Variants in TOX observed in about 807,000 individuals in gnomAD.
The protein encoded by TOX is thymocyte selection-associated high mobility group box protein TOX.
In TOX, 11 loss-of-function variants were observed where a neutral mutation model predicts 53.7. The ratio of observed to expected loss-of-function variants is 0.20; its 90% CI spans 0.13 to 0.34. The LOEUF (loss-of-function observed/expected upper bound fraction) is 0.34. Among genes scored for constraint, TOX ranks in the 10% least tolerant of loss-of-function variants. The pLI is 1.00. For missense variants in TOX, 570 were observed against 664.6 expected, an observed-to-expected ratio of 0.86 and a Z score of 1.56; for synonymous variants, 225 against 245.3, an observed-to-expected ratio of 0.92 and a Z score of 0.77.
At chr8:58,844,202 C>T (rs777851371) in intron 4 of TOX, among the ~76,000 whole-genome samples, 10 of 152,140 alleles carry the variant, frequency 6.6e-5, no homozygotes, top group Admixed American at 2.0e-4. Context: ...TGCTCTCTGC[C>T]GTGTCTAAAA....
chr8:58,915,643 G>A (rs1393648998), intron 3 of TOX, among the ~76,000 whole-genome samples: 5 of 147,482 alleles, frequency 3.4e-5, no homozygotes, highest in East Asian at 2.0e-4. Flanking sequence ...AACGCAGAGC[G>A]CCTCTCCTCC....
intron 4 of TOX, among the ~76,000 whole-genome samples, chr8:58,846,510 T>C (rs749642054): frequency 6.6e-6 from 1 of 152,148 alleles, no homozygotes; most frequent in Non-Finnish European, 1.5e-5. Flanking sequence ...AGTCTTCTTG[T>C]CTTCAGAGCA....
chr8:58,994,028 C>T (rs537367851), intron 1 of TOX, among the ~76,000 whole-genome samples: 20 of 152,082 alleles, frequency 1.3e-4, no homozygotes, highest in Non-Finnish European at 4.4e-5. Flanking sequence ...ATATTCTTGC[C>T]AGTATTCATC....
chr8:59,057,695 G>GA (rs1297451652), intron 1 of TOX, among the ~76,000 whole-genome samples: 5 of 152,150 alleles, frequency 3.3e-5, no homozygotes, highest in East Asian at 1.9e-4. Flanking sequence ...TGAATGCTGG[G>GA]AAAAAATGCA....
chr8:58,927,922 C>T (rs991296189), intron 3 of TOX, among the ~76,000 whole-genome samples: 1 of 152,182 alleles, frequency 6.6e-6, no homozygotes, highest in Non-Finnish European at 1.5e-5. Context: ...CAGGCGGCCT[C>T]ACCCAGACCC....
intron 1 of TOX, among the ~76,000 whole-genome samples, chr8:58,965,894 GTTT>G (rs67045037): frequency 0.27 from 13,537 of 50,418 alleles, 1,149 homozygotes; most frequent in Middle Eastern, 0.45. Context: ...ACGAGTCATC[GTTT>G]TTTTTTTTTT....
At chr8:58,876,728 A>C (rs192546026) in intron 3 of TOX, among the ~76,000 whole-genome samples, 1 of 152,314 alleles carries the variant, frequency 6.6e-6, no homozygotes, top group Admixed American at 6.5e-5. Context: ...ACAACATTTC[A>C]AAGGCTAGAA....
rs1803728512 is a variant in TOX, at chr8:59,048,472, C to T, written c.102+70414G>A. Among the ~76,000 whole-genome samples the T allele has an allele frequency of 2.0e-5, 3 of 152,158 alleles. No individual in the cohort carries two copies. In the South Asian group the frequency reaches 6.2e-4, roughly 32 times the overall value. ...AACATCAGACAGTTAGAAAACTCAC[C>T]CAAAAAGCATAAAACATATAAATAA... On this transcript the variant is annotated intron_variant, in intron 1 of 8. Transcript: ENST00000361421.
intron 7 of TOX, among the ~76,000 whole-genome samples, chr8:58,814,890 A>G (rs988816406): frequency 6.6e-6 from 1 of 152,222 alleles, no homozygotes; most frequent in African/African-American, 2.4e-5. Flanking sequence ...TTCATTTTTC[A>G]GCATTTATTG....
intron 3 of TOX, among the ~76,000 whole-genome samples, chr8:58,872,853 G>A (rs2726555): frequency 0.46 from 69,248 of 151,904 alleles, 16,247 homozygotes; most frequent in African/African-American, 0.55. Flanking sequence ...AAATACAAAT[G>A]AAGTATGACT....
intron 1 of TOX, among the ~76,000 whole-genome samples, chr8:59,095,980 TCA>T (rs1274481503): frequency 2.0e-5 from 3 of 152,184 alleles, no homozygotes; most frequent in Non-Finnish European, 4.4e-5. Flanking sequence ...TTTCTGAACC[TCA>T]GTTTCCTTAG....
rs140772910 is a variant in TOX at position 58,993,968 on chromosome 8, G to GA, written c.103-33961dup. On this transcript the variant is annotated intron_variant, in intron 1 of 8. Coordinates refer to ENST00000361421, the MANE Select transcript of TOX (RefSeq NM_014729.3). ...ACGTTGTGAATTGGTCTACCTGTGG[G>GA]AAAAATTTCCAAAAATAGAACACAG... is the stretch of plus-strand genomic sequence containing the variant. Among the ~76,000 whole-genome samples, 1,433 of 152,108 alleles carry GA rather than the reference G, an allele frequency of 9.4e-3. 29 individuals carry two copies. The highest frequency in any genetic ancestry group is 0.032 in the African/African-American group (1,347 of 41,452).
chr8:59,070,844 T>C (rs952290253), intron 1 of TOX, among the ~76,000 whole-genome samples: 4 of 152,244 alleles, frequency 2.6e-5, no homozygotes, highest in Admixed American at 1.3e-4. Context: ...GAATGTACAA[T>C]TACCTCAGAG....
At chr8:59,079,429 C>T (rs998823580) in intron 1 of TOX, among the ~76,000 whole-genome samples, 2 of 152,182 alleles carry the variant, frequency 1.3e-5, no homozygotes, top group African/African-American at 4.8e-5. Context: ...TTTCTGCTGG[C>T]CTTTAACGCC....
At chr8:59,004,107 A>G (rs933060781) in intron 1 of TOX, among the ~76,000 whole-genome samples, 2 of 152,352 alleles carry the variant, frequency 1.3e-5, no homozygotes, top group Non-Finnish European at 2.9e-5. Context: ...ATGAAATGTG[A>G]CATCTGCTCT....
At chr8:58,927,323 G>A (rs1369272401) in intron 3 of TOX, among the ~76,000 whole-genome samples, 1 of 152,190 alleles carries the variant, frequency 6.6e-6, no homozygotes, top group Non-Finnish European at 1.5e-5. Context: ...GAGACTGAGA[G>A]ACAGAGAGAG....
intron 5 of TOX, among the ~76,000 whole-genome samples, chr8:58,836,887 G>A (rs1432085716): frequency 2.6e-5 from 4 of 152,050 alleles, no homozygotes; most frequent in Admixed American, 2.6e-4. Flanking sequence ...AACAGTGCCT[G>A]GCACATAAGT....
intron 3 of TOX, among the ~76,000 whole-genome samples, chr8:58,938,361 T>C (rs771529649): frequency 3.9e-5 from 6 of 152,214 alleles, no homozygotes; most frequent in Non-Finnish European, 7.3e-5. Context: ...TACTGTTCGA[T>C]GACTTATGAA....
intron 3 of TOX, among the ~76,000 whole-genome samples, chr8:58,873,524 T>A (rs1400525625): frequency 6.6e-6 from 1 of 152,142 alleles, no homozygotes; most frequent in Non-Finnish European, 1.5e-5. Context: ...GATGTTTATA[T>A]GCTCAACTGT....
Sources: gnomAD v4.1 joint callset for allele counts (sites outside exome capture counted in the v4.1 genomes callset) on GRCh38, gnomAD v4.1.1 for gene constraint, MANE v1.5 for transcripts, NCBI Gene and HGNC (gene_info 2026-07-23, HGNC 2026-07-21) for gene names.